Variants in ANKRD17 observed in about 807,000 individuals in gnomAD.
ANKRD17 encodes the protein ankyrin repeat domain-containing protein 17.
Under a neutral mutation model 229.7 loss-of-function variants are expected in ANKRD17, and 19 were observed. The observed-to-expected ratio is 0.08, with a 90% CI of 0.06 to 0.12. The LOEUF (loss-of-function observed/expected upper bound fraction) is 0.12. Ranked by LOEUF, ANKRD17 falls within the 10% of genes least tolerant of loss-of-function variation. The pLI, the probability that ANKRD17 is intolerant of heterozygous loss-of-function variation, is 1.00. For missense variants in ANKRD17, 2,176 were observed against 3,176.8 expected, an observed-to-expected ratio of 0.68 and a Z score of 7.57; for synonymous variants, 1,112 against 1,146.1, an observed-to-expected ratio of 0.97 and a Z score of 0.60.
At chr4:73,203,758 CAAAAA>C (rs67020753) in intron 1 of ANKRD17, among the ~76,000 whole-genome samples, 1 of 82,142 alleles carries the variant, frequency 1.2e-5, no homozygotes, top group Non-Finnish European at 2.2e-5. Context: ...GACTCCGTCT[CAAAAA>C]AAAAAAAAAA....
At chr4:73,113,267 A>AT (rs1013216828) in intron 24 of ANKRD17, 91 of 1,289,282 alleles carry the variant, frequency 7.1e-5, no homozygotes, top group Middle Eastern at 2.1e-4. Context: ...GTTTTGGTGT[A>AT]TTTTACTCCC....
At chr4:73,237,382 T>C (rs1014704780) in intron 1 of ANKRD17, among the ~76,000 whole-genome samples, 1 of 152,216 alleles carries the variant, frequency 6.6e-6, no homozygotes, top group Non-Finnish European at 1.5e-5. Context: ...CTCCCTCATA[T>C]GAAAAGACAT....
At chr4:73,118,871 T>G (rs985089922) in intron 21 of ANKRD17, 21 bp from the exon 22 acceptor site, 12 of 1,290,632 alleles carry the variant, frequency 9.3e-6, no homozygotes, top group Non-Finnish European at 1.2e-5. Context: ...ATGACACAGA[T>G]AGCATTGTCT....
At chr4:73,152,258 G>C (rs1316217555) in intron 6 of ANKRD17, among the ~76,000 whole-genome samples, 1 of 152,120 alleles carries the variant, frequency 6.6e-6, no homozygotes, top group East Asian at 1.9e-4. Context: ...TGGGAGGCGG[G>C]AGAAGGACAG....
At chr4:73,110,549 C>T (rs1336072449) in intron 24 of ANKRD17, among the ~76,000 whole-genome samples, 2 of 152,126 alleles carry the variant, frequency 1.3e-5, no homozygotes, top group African/African-American at 4.8e-5. Context: ...GAATAACTTA[C>T]GTATGGAGAA....
At chr4:73,168,691 C>T (rs1469356585) in intron 2 of ANKRD17, among the ~76,000 whole-genome samples, 1 of 152,168 alleles carries the variant, frequency 6.6e-6, no homozygotes, top group Non-Finnish European at 1.5e-5. Context: ...AGAAATATAG[C>T]GTTAGCCAGC....
In ANKRD17 at chr4:73,121,766, A is replaced by AT. The variant is rs1389296618; in HGVS notation, c.3493-8dup. ...CTAACAATAGCTCCACCACCTGAAA[A>AT]TAAAATAGAAAAAAATATGTTTTCT... is the stretch of plus-strand genomic sequence containing the variant. On this transcript the variant is annotated splice_polypyrimidine_tract_variant and splice_region_variant and intron_variant, in intron 18 of 33. Transcript: ENST00000358602. 1 of 1,573,606 alleles carries AT rather than the reference A, an allele frequency of 6.4e-7. No homozygotes were observed.
At chr4:73,194,250 G>A (rs1737535122) in intron 1 of ANKRD17, among the ~76,000 whole-genome samples, 1 of 152,178 alleles carries the variant, frequency 6.6e-6, no homozygotes, top group African/African-American at 2.4e-5. Flanking sequence ...TGAGGCATAT[G>A]ATTAATGTCA....
chr4:73,082,662 A>C (rs917390747), intron 30 of ANKRD17, among the ~76,000 whole-genome samples: 4 of 152,226 alleles, frequency 2.6e-5, no homozygotes, highest in Admixed American at 2.6e-4. Flanking sequence ...AGGAAGAAAT[A>C]GTAGGAAATA....
At chr4:73,079,427 C>T (rs1417141671) in intron 30 of ANKRD17, among the ~76,000 whole-genome samples, 1 of 151,868 alleles carries the variant, frequency 6.6e-6, no homozygotes, top group Non-Finnish European at 1.5e-5. Flanking sequence ...GAGTCTTGCT[C>T]CATTGTCCAG....
chr4:73,225,861 C>CAAAAAAAAAA (rs375866026), intron 1 of ANKRD17, among the ~76,000 whole-genome samples: 8 of 66,698 alleles, frequency 1.2e-4, no homozygotes, highest in Admixed American at 2.7e-4. Context: ...GACTCTGTCT[C>CAAAAAAAAAA]AAAAAAAAAA....
chr4:73,200,540 A>T (rs2149104360), intron 1 of ANKRD17, among the ~76,000 whole-genome samples: 1 of 152,230 alleles, frequency 6.6e-6, no homozygotes, highest in East Asian at 1.9e-4. Flanking sequence ...TCCCCAGGTG[A>T]TACTAATACC....
intron 21 of ANKRD17, 50 bp downstream of exon 21, chr4:73,120,112 A>G (rs761258674): frequency 1.3e-6 from 2 of 1,537,878 alleles, no homozygotes; most frequent in Non-Finnish European, 1.8e-6. Flanking sequence ...GAGAATGATA[A>G]CCACTAGTAA....
chr4:73,098,477 A>G lies in ANKRD17; in HGVS notation c.4617T>C (p.Thr1539=). 1 of 1,613,916 alleles carries G rather than the reference A, an allele frequency of 6.2e-7. No homozygotes were observed. The highest frequency in any genetic ancestry group is 8.5e-7 in the Non-Finnish European group (1 of 1,179,990). ...AGGTTGCAGATATACCTATGGTAGTAGTGGTTGTGGCACTTGGAGGTTCTG... is the reference window on the plus strand; with the variant it reads ...AGGTTGCAGATATACCTATGGTAGTGGTGGTTGTGGCACTTGGAGGTTCTG... ...VLTEPPSATT[T]TTIGISATWT... is the part of the protein sequence containing the mutation. Residue 1539 remains threonine (T), a synonymous_variant, in exon 26 of 34, where the codon ACT becomes ACC. Transcript: ENST00000358602.
In ANKRD17 at chr4:73,151,481, A is replaced by G; in HGVS notation, c.1278T>C (p.Asp426=). 6.2e-7 allele frequency: 1 copy of G among 1,610,484 alleles called. No homozygotes were observed. Among genetic ancestry groups the G allele is most frequent in the Non-Finnish European group, 8.5e-7 (1 of 1,178,350 alleles). The change falls in exon 7 of 34, where the codon GAT becomes GAC. Residue 426 remains aspartate (D), a synonymous_variant. Coordinates refer to ENST00000358602, the MANE Select transcript of ANKRD17 (RefSeq NM_032217.5). ...GCATTTCATCTGTTTTATGCTCTTG[A>G]TCCGCGCCTGCTTCCAAAAGAAATC... The part of the protein sequence containing the change: ...MVRFLLEAGA[D]QEHKTDEMHT...
At chr4:73,104,664 T>G (rs1724396684) in intron 24 of ANKRD17, among the ~76,000 whole-genome samples, 1 of 152,100 alleles carries the variant, frequency 6.6e-6, no homozygotes, top group Non-Finnish European at 1.5e-5. Context: ...TTTAGAATTT[T>G]GGCTCATCCA....
intron 24 of ANKRD17, among the ~76,000 whole-genome samples, chr4:73,106,775 A>G (rs1724686177): frequency 6.6e-6 from 1 of 150,478 alleles, no homozygotes; most frequent in Non-Finnish European, 1.5e-5. Context: ...GCTACTCGGC[A>G]GGCTGAGGCA....
chr4:73,111,086 T>G (rs1725259911), intron 24 of ANKRD17, among the ~76,000 whole-genome samples: 1 of 152,170 alleles, frequency 6.6e-6, no homozygotes, highest in South Asian at 2.1e-4. Flanking sequence ...CCCTTATCCA[T>G]GATGAGTAAG....
At chr4:73,080,300 G>A (rs1392281247) in intron 30 of ANKRD17, among the ~76,000 whole-genome samples, 1 of 151,838 alleles carries the variant, frequency 6.6e-6, no homozygotes, top group African/African-American at 2.4e-5. Flanking sequence ...GACAATAAAA[G>A]CACTCCAGAA....
Sources: gnomAD v4.1 joint callset for allele counts (sites outside exome capture counted in the v4.1 genomes callset) on GRCh38, gnomAD v4.1.1 for gene constraint, MANE v1.5 for transcripts, NCBI Gene and HGNC (gene_info 2026-07-23, HGNC 2026-07-21) for gene names.